Variants in CDH9 observed in about 807,000 individuals in gnomAD.
CDH9 encodes the protein cadherin-9.
A neutral mutation model predicts 70.9 loss-of-function variants in CDH9; 28 were observed. That is an observed-to-expected ratio of 0.40 (90% confidence interval 0.29 to 0.54). The LOEUF is 0.54. Among genes scored for constraint, CDH9 ranks in the 20% least tolerant of loss-of-function variants. The pLI is 0.59. For synonymous variants in CDH9, 409 were observed against 343.1 expected, an observed-to-expected ratio of 1.19 and a Z score of -2.12; for missense variants, 874 against 984.4, an observed-to-expected ratio of 0.89 and a Z score of 1.50.
intron 1 of CDH9, among the ~76,000 whole-genome samples, chr5:26,995,783 C>T (rs183707363): frequency 6.6e-6 from 1 of 152,142 alleles, no homozygotes; most frequent in East Asian, 1.9e-4. Context: ...GCATTAAATG[C>T]TTTGCATTTT....
intron 2 of CDH9, among the ~76,000 whole-genome samples, chr5:26,934,007 T>G (rs1024050691): frequency 6.6e-6 from 1 of 152,076 alleles, no homozygotes; most frequent in Non-Finnish European, 1.5e-5. Context: ...TCAGGTTGTA[T>G]AAGAAGCATG....
At chr5:27,008,819 C>A (rs1318476332) in intron 1 of CDH9, among the ~76,000 whole-genome samples, 1 of 152,114 alleles carries the variant, frequency 6.6e-6, no homozygotes, top group Non-Finnish European at 1.5e-5. Flanking sequence ...TGGACTATGA[C>A]AGCTCATTGT....
chr5:27,032,922 A>C (rs1407533206), intron 1 of CDH9, among the ~76,000 whole-genome samples: 3 of 151,300 alleles, frequency 2.0e-5, no homozygotes, highest in African/African-American at 4.8e-5. Flanking sequence ...TCCTGATAAT[A>C]ATTATCTACT....
chr5:26,957,767 A>G (rs1741970932), intron 2 of CDH9, among the ~76,000 whole-genome samples: 1 of 152,230 alleles, frequency 6.6e-6, no homozygotes, highest in Admixed American at 6.5e-5. Context: ...GGTATAATGC[A>G]GATTCCATGG....
intron 2 of CDH9, among the ~76,000 whole-genome samples, chr5:26,937,227 C>T (rs75449473): frequency 0.091 from 13,805 of 152,032 alleles, 777 homozygotes; most frequent in East Asian, 0.16. Context: ...GAACAGACAC[C>T]TCACCAAAGA....
chr5:26,939,880 G>A (rs1741629458), intron 2 of CDH9, among the ~76,000 whole-genome samples: 1 of 152,110 alleles, frequency 6.6e-6, no homozygotes, highest in South Asian at 2.1e-4. Context: ...GCCAGGCATG[G>A]TGGCTCACCC....
chr5:26,898,253 G>A (rs1055186111), intron 7 of CDH9, among the ~76,000 whole-genome samples: 3 of 152,150 alleles, frequency 2.0e-5, no homozygotes, highest in Admixed American at 1.3e-4. Flanking sequence ...ACTGCTCAAA[G>A]TAATTTGTAG....
chr5:26,961,669 C>T (rs767650246), intron 2 of CDH9, among the ~76,000 whole-genome samples: 1 of 152,056 alleles, frequency 6.6e-6, no homozygotes, highest in Non-Finnish European at 1.5e-5. Flanking sequence ...AAAAACTAAT[C>T]CATTTAATTT....
intron 1 of CDH9, among the ~76,000 whole-genome samples, chr5:27,005,462 A>G (rs1010335830): frequency 1.3e-5 from 2 of 152,084 alleles, no homozygotes; most frequent in African/African-American, 4.8e-5. Flanking sequence ...CAAAACCACA[A>G]TAAGACCCCA....
intron 1 of CDH9, among the ~76,000 whole-genome samples, chr5:27,005,859 C>T (rs182089323): frequency 1.3e-5 from 2 of 151,992 alleles, no homozygotes; most frequent in Admixed American, 1.3e-4. Context: ...GCAGTCATAT[C>T]TTTTGCTTGA....
intron 2 of CDH9, among the ~76,000 whole-genome samples, chr5:26,973,267 C>T (rs1340444843): frequency 1.3e-5 from 2 of 151,952 alleles, no homozygotes; most frequent in African/African-American, 4.8e-5. Context: ...TGAATGTGCT[C>T]TCTATACCAG....
At chr5:26,998,923 C>G (rs1444948539) in intron 1 of CDH9, among the ~76,000 whole-genome samples, 6 of 151,882 alleles carry the variant, frequency 4.0e-5, no homozygotes, top group Non-Finnish European at 5.9e-5. Context: ...AAAAAGGGAA[C>G]AAAATAAGAT....
intron 1 of CDH9, among the ~76,000 whole-genome samples, chr5:27,035,171 G>GTATA (rs35693444): frequency 0.11 from 15,146 of 143,116 alleles, 909 homozygotes; most frequent in Non-Finnish European, 0.14. Flanking sequence ...TATTGCATAT[G>GTATA]TATATATATA....
intron 7 of CDH9, among the ~76,000 whole-genome samples, chr5:26,896,077 C>G (rs1050663629): frequency 2.0e-5 from 3 of 151,918 alleles, no homozygotes; most frequent in African/African-American, 7.2e-5. Flanking sequence ...TAATTTCGCT[C>G]AATATTTTTC....
intron 11 of CDH9, 67 bp from the exon 12 acceptor site, chr5:26,881,690 GT>G: frequency 7.0e-7 from 1 of 1,427,912 alleles, no homozygotes; most frequent in Non-Finnish European, 9.4e-7. Context: ...ACACTTCTGA[GT>G]GTGAAATTCG....
intron 5 of CDH9, among the ~76,000 whole-genome samples, chr5:26,904,076 A>G (rs955978900): frequency 2.0e-5 from 3 of 152,012 alleles, no homozygotes; most frequent in African/African-American, 7.2e-5. Context: ...TATTTAGACT[A>G]TAGATGGTAG....
rs563085505 is a variant in CDH9, at chr5:27,004,726, G to T, written c.-49-16344C>A. On this transcript the variant is annotated intron_variant, in intron 1 of 11. Coordinates refer to ENST00000231021, the MANE Select transcript of CDH9 (RefSeq NM_016279.4). ...TGTGGGAGTAGAAAGTCAAGGTTTT[G>T]ATTTTGAATGTTAAGATCGATCAAT... 3.3e-5 allele frequency among the ~76,000 whole-genome samples: 5 copies of T among 152,170 alleles called. No homozygotes were observed. The East Asian group carries it at 9.7e-4, about 29-fold the overall frequency.
At chr5:26,917,864 T>C (rs1741175277) in intron 2 of CDH9, among the ~76,000 whole-genome samples, 1 of 152,124 alleles carries the variant, frequency 6.6e-6, no homozygotes, top group South Asian at 2.1e-4. Context: ...ATTAAACATC[T>C]TCAAGTCACA....
intron 2 of CDH9, among the ~76,000 whole-genome samples, chr5:26,969,958 C>T (rs531745456): frequency 6.8e-4 from 102 of 149,814 alleles, no homozygotes; most frequent in African/African-American, 2.3e-3. Context: ...CACATATATA[C>T]ACCCATGCAA....
Sources: gnomAD v4.1 joint callset for allele counts (sites outside exome capture counted in the v4.1 genomes callset) on GRCh38, gnomAD v4.1.1 for gene constraint, MANE v1.5 for transcripts, NCBI Gene and HGNC (gene_info 2026-07-23, HGNC 2026-07-21) for gene names.